Variants in LNPK observed in about 807,000 individuals in gnomAD.
LNPK encodes the protein lunapark, ER junction formation factor, also known as endoplasmic reticulum junction formation protein lunapark.
A neutral mutation model predicts 55.2 loss-of-function variants in LNPK; 29 were observed. The ratio of observed to expected loss-of-function variants is 0.53; its 90% CI spans 0.39 to 0.72. The LOEUF (loss-of-function observed/expected upper bound fraction) is 0.72, where lower values mean the gene tolerates loss of function less well. Ranked by LOEUF, LNPK falls within the 30% of genes least tolerant of loss-of-function variation. LNPK has a pLI of 0.00. For synonymous variants in LNPK, 162 were observed against 168.2 expected (o/e 0.96, Z 0.29); for missense variants, 467 against 494.8 (o/e 0.94, Z 0.53).
chr2:175,947,426 T>G lies in LNPK; in HGVS notation c.706+54A>C, dbSNP rs185144165. On this transcript the variant is annotated intron_variant, in intron 9 of 12. Coordinates refer to ENST00000272748, the MANE Select transcript of LNPK (RefSeq NM_030650.3). ...ACCACCTGAAAATGGCCCGTTTTAT[T>G]GGTAACCAGAGAAAACAATATAAAC... 4.5e-5 allele frequency: 67 copies of G among 1,481,366 alleles called. No individual in the cohort carries two copies. The African/African-American group carries it at 8.8e-4, about 20-fold the overall frequency. 91.8% of individuals were successfully genotyped at this position (1,481,366 alleles called of 1,614,324 possible). A position where few individuals can be genotyped will look rare whatever the true frequency, so the allele number is the denominator to read the frequency against.
chr2:175,995,838 G>C (rs1687907186), intron 1 of LNPK, among the ~76,000 whole-genome samples, 192 bp from the exon 2 acceptor site: 1 of 78,280 alleles, frequency 1.3e-5, no homozygotes, highest in Non-Finnish European at 2.4e-5. Flanking sequence ...TTTTGAGATG[G>C]AGACTCTCTG....
intron 2 of LNPK, among the ~76,000 whole-genome samples, chr2:175,993,598 G>A (rs1687799674): frequency 6.6e-6 from 1 of 152,130 alleles, no homozygotes; most frequent in South Asian, 2.1e-4. Context: ...TTAGGGTCAG[G>A]AGTTTGAGAC....
At chr2:175,989,286 A>G (rs895062756) in intron 4 of LNPK, among the ~76,000 whole-genome samples, 1 of 152,198 alleles carries the variant, frequency 6.6e-6, no homozygotes, top group Non-Finnish European at 1.5e-5. Flanking sequence ...GAAGAGAAAT[A>G]GGAATATGAC....
Position 175,992,259 on chromosome 2 carries a change from T to C in LNPK, c.229A>G (p.Thr77Ala), listed in dbSNP as rs374215321. Residue 77 changes from threonine (T) to alanine (A), a missense_variant, in exon 4 of 13, where the codon ACA (threonine) becomes GCA (alanine). Physicochemically the swap from Thr to Ala is moderately conservative, Grantham distance 58. Coordinates refer to ENST00000272748, the MANE Select transcript of LNPK (RefSeq NM_030650.3). ...AATGGAAAAGCAAAAAATGGGAGTG[T>C]CATGGCAAGTCTTGCTGTAAATTCA... ...PDEFTARLAMTLPFFAFPLII... is the reference protein window; with the variant it reads ...PDEFTARLAMALPFFAFPLII... 1.0e-4 allele frequency: 161 copies of C among 1,559,992 alleles called. No homozygotes were observed. Among genetic ancestry groups the C allele is most frequent in the South Asian group, 3.2e-4 (26 of 80,488 alleles).
At chr2:175,933,689 A>G (rs1380850143) in intron 12 of LNPK, among the ~76,000 whole-genome samples, 1 of 150,268 alleles carries the variant, frequency 6.7e-6, no homozygotes, top group African/African-American at 2.4e-5. Flanking sequence ...ATACCATTTA[A>G]TTATTTACCA....
chr2:175,964,309 G>C (rs910311195), intron 8 of LNPK, 63 bp downstream of exon 8: 14 of 1,365,618 alleles, frequency 1.0e-5, no homozygotes, highest in African/African-American at 2.9e-5. Context: ...ACACACTTTT[G>C]AACTCACTTG....
chr2:175,959,125 CA>C (rs1007379785), intron 8 of LNPK, among the ~76,000 whole-genome samples: 1 of 152,084 alleles, frequency 6.6e-6, no homozygotes, highest in African/African-American at 2.4e-5. Flanking sequence ...AGGATGGAAC[CA>C]AGCTGGAAAA....
chr2:175,989,025 T>G (rs1687570212), intron 4 of LNPK, among the ~76,000 whole-genome samples: 1 of 152,204 alleles, frequency 6.6e-6, no homozygotes, highest in African/African-American at 2.4e-5. Flanking sequence ...TCCGCCCGCC[T>G]GGGCCTCCCA....
chr2:175,966,377 A>G (rs973351637), intron 6 of LNPK, among the ~76,000 whole-genome samples: 13 of 152,240 alleles, frequency 8.5e-5, no homozygotes, highest in Admixed American at 1.3e-4. Flanking sequence ...GTTTTATTTC[A>G]TTTTAAATAA....
At chr2:175,953,374 A>G (rs1211552214) in intron 8 of LNPK, among the ~76,000 whole-genome samples, 1 of 152,114 alleles carries the variant, frequency 6.6e-6, no homozygotes, top group Non-Finnish European at 1.5e-5. Flanking sequence ...CCTGAGCTCC[A>G]TATGAAATAA....
At chr2:176,000,245 T>C (rs1285923800) in intron 1 of LNPK, among the ~76,000 whole-genome samples, 2 of 152,246 alleles carry the variant, frequency 1.3e-5, no homozygotes, top group African/African-American at 2.4e-5. Context: ...ATTCAAAATA[T>C]GGCTCAACCA....
rs202093629 is a variant in LNPK, at chr2:175,938,315, A to G, written c.881T>C (p.Ile294Thr). The change falls in exon 11 of 13, where the codon ATT (isoleucine) becomes ACT (threonine). Residue 294 changes from isoleucine to threonine, a missense_variant and splice_region_variant. Transcript: ENST00000272748. The stretch of plus-strand genomic sequence containing the variant: ...TCTCATTGCCCAATAATTCTTACCA[A>G]TGTATTCAAATTCTTCCTTCAAAGC... ...GMALKEEFEY[I>T]AFRCAYCFFL... 101 of 1,565,640 alleles carry G rather than the reference A, an allele frequency of 6.5e-5. 1 individual carries two copies. The East Asian group carries it at 2.2e-3, about 35-fold the overall frequency.
At chr2:175,987,739 C>T (rs1264124942) in intron 4 of LNPK, among the ~76,000 whole-genome samples, 2 of 151,850 alleles carry the variant, frequency 1.3e-5, no homozygotes, top group African/African-American at 4.8e-5. Flanking sequence ...TTCTTTGACT[C>T]ACATTCATCA....
chr2:175,968,258 G>C (rs1379699800), intron 6 of LNPK, among the ~76,000 whole-genome samples: 2 of 152,058 alleles, frequency 1.3e-5, no homozygotes, highest in Non-Finnish European at 2.9e-5. Context: ...TAATTCTCAG[G>C]GAACTATAAC....
At chr2:175,998,604 T>C (rs1265658503) in intron 1 of LNPK, among the ~76,000 whole-genome samples, 4 of 152,166 alleles carry the variant, frequency 2.6e-5, no homozygotes, top group Non-Finnish European at 5.9e-5. Flanking sequence ...TATTTATATG[T>C]AAAATATATG....
In LNPK at chr2:175,983,048, C is replaced by G. The variant is rs138420616; in HGVS notation, c.258-3180G>C. Among the ~76,000 whole-genome samples, 860 of 152,244 alleles carry G rather than the reference C, an allele frequency of 5.6e-3. 9 individuals carry two copies. The highest frequency in any genetic ancestry group is 0.019 in the African/African-American group (809 of 41,540). On this transcript the variant is annotated intron_variant, in intron 4 of 12. Transcript: ENST00000272748. Reference sequence around the variant, plus strand: ...AGCAATGGAGATTATTACACAGGGGCTCCAAAAAGTGGAAGCAAAACAAGA... The same window carrying G: ...AGCAATGGAGATTATTACACAGGGGGTCCAAAAAGTGGAAGCAAAACAAGA...
intron 8 of LNPK, among the ~76,000 whole-genome samples, chr2:175,948,839 CT>C (rs1301175289): frequency 1.3e-5 from 2 of 152,120 alleles, no homozygotes; most frequent in African/African-American, 4.8e-5. Flanking sequence ...CCAATCTAGT[CT>C]ACTAGCTAAG....
At chr2:175,970,843 G>A (rs779626943) in intron 5 of LNPK, 39 bp from the exon 6 acceptor site, 2 of 1,375,088 alleles carry the variant, frequency 1.5e-6, no homozygotes, top group South Asian at 3.0e-5. Flanking sequence ...AAGATATTTA[G>A]ATATAAGAAA....
rs1010404339 is a variant in LNPK at position 175,927,902 on chromosome 2, A to G, written c.*2065T>C. ...ACCTTCCTCCATATTTCTTTCAAAG[A>G]TATTTCTCATACTATCTGTTTGAGT... On this transcript the variant is annotated 3_prime_UTR_variant, in exon 13 of 13. Coordinates refer to ENST00000272748, the MANE Select transcript of LNPK (RefSeq NM_030650.3). The G allele has an allele frequency of 6.6e-6, 1 of 152,124 alleles. No individual in the cohort carries two copies. The highest frequency in any genetic ancestry group is 2.1e-4 in the South Asian group (1 of 4,830). The allele number at this position is 152,124 out of a possible 1,614,324, so 9.4% of individuals were successfully genotyped here.
Sources: allele counts gnomAD v4.1 joint callset (sites outside exome capture counted in the v4.1 genomes callset), GRCh38; gene constraint gnomAD v4.1.1; transcripts MANE v1.5; gene names NCBI Gene and HGNC (gene_info 2026-07-23, HGNC 2026-07-21).